The following RBFOX2 variants were observed in gnomAD, a reference collection of about 807,000 sequenced individuals.
RBFOX2 encodes RNA binding fox-1 homolog 2.
RBFOX2 carries 10 observed loss-of-function variants against 49.1 expected under a neutral mutation model. That is an observed-to-expected ratio of 0.20 (90% CI 0.13 to 0.35). RBFOX2 has a LOEUF of 0.35. Ranked by LOEUF, RBFOX2 falls within the 10% of genes least tolerant of loss-of-function variation. The pLI is 1.00. For missense variants in RBFOX2, 323 were observed against 486.9 expected, an observed-to-expected ratio of 0.66 and a Z score of 3.17; for synonymous variants, 183 against 187.4, an observed-to-expected ratio of 0.98 and a Z score of 0.19.
Position 35,749,508 on chromosome 22 carries a change from TACAC to T in RBFOX2, c.888-2951_888-2948del, listed in dbSNP as rs901146906. ...TGGATGTATTCCTCTCTCTCTCTCTTACACACACACACGCACACACACACATACA... is the reference window on the plus strand; with the variant it reads ...TGGATGTATTCCTCTCTCTCTCTCTTACACACACGCACACACACACATACA... On this transcript the variant is annotated intron_variant, in intron 9 of 11. Coordinates refer to ENST00000405409, the Ensembl canonical transcript of RBFOX2. The surrounding 1 kb of genome is among the most constrained non-coding windows in gnomAD (Gnocchi z 4.1). Among the ~76,000 whole-genome samples the T allele has an allele frequency of 6.6e-6, 1 of 151,644 alleles. No individual in the cohort carries two copies. The highest frequency in any genetic ancestry group is 2.4e-5 in the African/African-American group (1 of 41,340).
chr22:35,786,299 C>G (rs1378279576), intron 2 of RBFOX2, among the ~76,000 whole-genome samples: 1 of 152,118 alleles, frequency 6.6e-6, no homozygotes, highest in Non-Finnish European at 1.5e-5. Context: ...AACACCCGTC[C>G]CCCTTGTTTT....
intron 1 of RBFOX2, among the ~76,000 whole-genome samples, chr22:35,827,557 G>A (rs1316800158): frequency 1.3e-5 from 2 of 151,970 alleles, no homozygotes; most frequent in East Asian, 1.9e-4. Flanking sequence ...CTTGTATAAC[G>A]CATATACATA....
chr22:35,859,583 A>G (rs927064840), intron 1 of RBFOX2, among the ~76,000 whole-genome samples: 9 of 152,258 alleles, frequency 5.9e-5, no homozygotes, highest in African/African-American at 2.2e-4. Context: ...AGTATGGGTA[A>G]TAACAGAGTA....
At chr22:35,849,298 A>AACACACACACACACAC (rs61515031) in intron 1 of RBFOX2, among the ~76,000 whole-genome samples, 7 of 133,236 alleles carry the variant, frequency 5.3e-5, no homozygotes, top group Non-Finnish European at 8.2e-5. Context: ...TACACACACA[A>AACACACACACACACAC]ACACACACAC....
At chr22:35,957,582 C>T (rs1210248897) in intron 1 of RBFOX2, among the ~76,000 whole-genome samples, 1 of 152,204 alleles carries the variant, frequency 6.6e-6, no homozygotes, top group African/African-American at 2.4e-5. Context: ...GCACATCCTC[C>T]TACTCATAAC....
chr22:36,010,840 C>T (rs945357675), intron 1 of RBFOX2, among the ~76,000 whole-genome samples: 2 of 151,834 alleles, frequency 1.3e-5, no homozygotes, highest in Non-Finnish European at 2.9e-5. Flanking sequence ...GTCTCAGTTA[C>T]GGAGAGGCCA....
intron 1 of RBFOX2, among the ~76,000 whole-genome samples, chr22:35,983,096 G>T (rs977937349): frequency 1.3e-5 from 2 of 152,180 alleles, no homozygotes; most frequent in Middle Eastern, 3.2e-3. Flanking sequence ...AGGGCTGCTG[G>T]CAAGATAAGC....
intron 1 of RBFOX2, among the ~76,000 whole-genome samples, chr22:35,830,828 A>G (rs770289754): frequency 3.9e-5 from 6 of 152,220 alleles, no homozygotes; most frequent in Non-Finnish European, 8.8e-5. Flanking sequence ...GAAAAGCAAT[A>G]AGGTATAAAA....
At position 35,898,052 on chromosome 22, in the gene RBFOX2, G is replaced by T. The variant is rs1041796856; in HGVS notation, c.-34+40795C>A. 4 of 728,484 alleles carry T rather than the reference G, an allele frequency of 5.5e-6. No individual in the cohort carries two copies. In the South Asian group the frequency reaches 5.6e-5, roughly 10 times the overall value. 45.1% of individuals were successfully genotyped at this position (728,484 alleles called of 1,614,324 possible). ...ACCACATTGCTGTGTTCCACTACTC[G>T]TCAGATAGAATCTTTATCTCTCGCG... On this transcript the variant is annotated intron_variant, in intron 1 of 13. Transcript: ENST00000359369.
chr22:35,970,859 T>C (rs533928307), intron 1 of RBFOX2, among the ~76,000 whole-genome samples: 1 of 152,222 alleles, frequency 6.6e-6, no homozygotes, highest in East Asian at 1.9e-4. Context: ...TAGAATAAAA[T>C]TGCAAAGACC....
intron 2 of RBFOX2, among the ~76,000 whole-genome samples, chr22:35,794,535 G>C (rs1171907589): frequency 1.3e-5 from 2 of 151,978 alleles, no homozygotes; most frequent in Admixed American, 1.3e-4. Context: ...GTGGGCACCT[G>C]TGGTCCCAGC....
At chr22:35,781,897 C>A in intron 2 of RBFOX2, 151 bp from the exon 4 acceptor site, 1 of 808,518 alleles carries the variant, frequency 1.2e-6, no homozygotes, top group Non-Finnish European at 1.9e-6. Context: ...ACAGCAGCAA[C>A]AACAAAACAC....
At chr22:36,013,425 G>C (rs1271898598) in intron 1 of RBFOX2, among the ~76,000 whole-genome samples, 1 of 152,120 alleles carries the variant, frequency 6.6e-6, no homozygotes, top group Non-Finnish European at 1.5e-5. Context: ...ATTACATACA[G>C]TATCGCTTTT....
chr22:35,870,879 A>G (rs2044279631), intron 1 of RBFOX2, among the ~76,000 whole-genome samples: 1 of 152,216 alleles, frequency 6.6e-6, no homozygotes, highest in Non-Finnish European at 1.5e-5. Context: ...AATTTAAAGA[A>G]AACAATTCAC....
intron 1 of RBFOX2, among the ~76,000 whole-genome samples, chr22:35,979,379 C>T (rs967522038): frequency 6.6e-6 from 1 of 152,142 alleles, no homozygotes; most frequent in Non-Finnish European, 1.5e-5. Context: ...GATGGATGGT[C>T]GCGTTGTACT....
At chr22:35,977,918 G>A (rs1412021729) in intron 1 of RBFOX2, among the ~76,000 whole-genome samples, 2 of 151,542 alleles carry the variant, frequency 1.3e-5, no homozygotes, top group Non-Finnish European at 2.9e-5. Context: ...CAGGACAGCA[G>A]GCCCAGAGGC....
At chr22:35,963,607 T>C (rs2056384986), upstream of RBFOX2, among the ~76,000 whole-genome samples, 1 of 152,170 alleles carries the variant, frequency 6.6e-6, no homozygotes, top group Non-Finnish European at 1.5e-5. Context: ...AAGTGGAAAG[T>C]TGCAAAACAA....
rs748192525 is a variant in RBFOX2, at chr22:35,761,313, A to G, written c.662-19T>C. On this transcript the variant is annotated intron_variant, in intron 7 of 11. Transcript: ENST00000405409. ...CTGGATGCTGATTGGATTTTTAAAA[A>G]ATTTAAAAATGCAAGAAGATTAAAA... The G allele has an allele frequency of 6.2e-7, 1 of 1,613,836 alleles. No individual in the cohort carries two copies. The highest frequency in any genetic ancestry group is 2.2e-5 in the East Asian group (1 of 44,886).
rs377350972 is a variant in RBFOX2, at chr22:35,873,447, C to T, written c.-33-63443G>A. Among the ~76,000 whole-genome samples, 14 of 152,158 alleles carry T rather than the reference C, an allele frequency of 9.2e-5. No homozygotes were observed. In the East Asian group the frequency reaches 1.2e-3, roughly 13 times the overall value. On this transcript the variant is annotated intron_variant, in intron 1 of 13. Coordinates refer to the RBFOX2 transcript ENST00000359369. ...GAATGGGTTGTTTCTTAAGACTATG[C>T]CCAGCAGGCTAAGGATTTATACTAA...
Sources: allele counts gnomAD v4.1 joint callset (sites outside exome capture counted in the v4.1 genomes callset), GRCh38; gene constraint gnomAD v4.1.1; non-coding constraint Gnocchi (gnomAD v3.1); transcripts MANE v1.5; gene names NCBI Gene and HGNC (gene_info 2026-07-23, HGNC 2026-07-21).